Variants in CGNL1 observed in about 807,000 individuals in gnomAD.
The protein encoded by CGNL1 is cingulin-like protein 1.
A neutral mutation model predicts 141.2 loss-of-function variants in CGNL1; 132 were observed. That is an observed-to-expected ratio of 0.93 (90% CI 0.81 to 1.08). The LOEUF (loss-of-function observed/expected upper bound fraction) is 1.08, where lower values mean the gene tolerates loss of function less well. CGNL1 is among the 50% of genes least tolerant of loss of function. The probability of loss-of-function intolerance (pLI) is 0.00; values close to 1 mark genes in which losing one functional copy is unlikely to be tolerated. For synonymous variants in CGNL1, 690 were observed against 622.1 expected (o/e 1.11, Z -1.63); for missense variants, 1,870 against 1,588.6 (o/e 1.18, Z -3.01).
chr15:57,461,964 C>T (rs1269424839), intron 8 of CGNL1, 72 bp downstream of exon 8: 1 of 1,089,582 alleles, frequency 9.2e-7, no homozygotes, highest in Non-Finnish European at 1.4e-6. Flanking sequence ...CACACCACTG[C>T]AAATCCCCTT....
At chr15:57,530,994 G>A (rs2031920729) in intron 13 of CGNL1, among the ~76,000 whole-genome samples, 2 of 152,212 alleles carry the variant, frequency 1.3e-5, no homozygotes, top group African/African-American at 4.8e-5. Context: ...GCTCAAGGCT[G>A]ACAACCCCCA....
intron 8 of CGNL1, among the ~76,000 whole-genome samples, chr15:57,475,799 C>T (rs1449973863): frequency 1.3e-5 from 2 of 152,038 alleles, no homozygotes; most frequent in Non-Finnish European, 2.9e-5. Context: ...CTTCTTTCCC[C>T]CGGCTCATAT....
chr15:57,477,354 G>A (rs2063669466), intron 8 of CGNL1: 1 of 152,202 alleles, frequency 6.6e-6, no homozygotes, highest in Non-Finnish European at 1.5e-5. Context: ...CTGGATGACA[G>A]TGCAACGAAG....
At chr15:57,522,201 C>T (rs1483899122) in intron 10 of CGNL1, among the ~76,000 whole-genome samples, 1 of 152,164 alleles carries the variant, frequency 6.6e-6, no homozygotes, top group African/African-American at 2.4e-5. Context: ...TTCTCTGCAG[C>T]AATTAACTTC....
intron 14 of CGNL1, among the ~76,000 whole-genome samples, chr15:57,538,496 T>C (rs55924857): frequency 0.17 from 25,870 of 152,216 alleles, 2,468 homozygotes; most frequent in African/African-American, 0.25. Context: ...AGAGTCACCA[T>C]TATCCTGGGG....
In CGNL1 at chr15:57,451,591, T is replaced by G; in HGVS notation, c.1895T>G (p.Leu632Arg). ...EVAELQRQLQLEVKNQQNIKE... is the reference protein window; with the variant it reads ...EVAELQRQLQREVKNQQNIKE... Reference sequence around the variant, plus strand: ...GCTGAACTTCAGAGACAGCTTCAACTGGAAGTCAAGGTATCTGGTTTTTCC... The same window carrying G: ...GCTGAACTTCAGAGACAGCTTCAACGGGAAGTCAAGGTATCTGGTTTTTCC... Residue 632 changes from leucine (L) to arginine (R), a missense_variant, in exon 5 of 19, where the codon CTG becomes CGG. Leu to Arg is a moderately radical substitution (Grantham distance 102). Coordinates refer to ENST00000281282, the MANE Select transcript of CGNL1 (RefSeq NM_032866.5). 6.2e-7 allele frequency: 1 copy of G among 1,607,100 alleles called. No homozygotes were observed. Among genetic ancestry groups the G allele is most frequent in the Non-Finnish European group, 8.5e-7 (1 of 1,175,036 alleles).
intron 13 of CGNL1, 30 bp downstream of exon 13, chr15:57,528,845 G>A: frequency 5.0e-6 from 8 of 1,607,936 alleles, no homozygotes; most frequent in Non-Finnish European, 6.8e-6. Flanking sequence ...TGAGCTGGGG[G>A]ACCTGCAGAG....
At position 57,460,745 on chromosome 15, in the gene CGNL1, T is replaced by TC. The variant is rs559362022; in HGVS notation, c.2191-928dup. On this transcript the variant is annotated intron_variant, in intron 7 of 18. Coordinates refer to ENST00000281282, the MANE Select transcript of CGNL1 (RefSeq NM_032866.5). Reference sequence around the variant, plus strand: ...CGTGATCCAATCATCTCCCACAGTGTCCCCCCCTTGACAAGTGGGAATTAT... The same window carrying TC: ...CGTGATCCAATCATCTCCCACAGTGTCCCCCCCCTTGACAAGTGGGAATTAT... 2.6e-3 allele frequency among the ~76,000 whole-genome samples: 399 copies of TC among 151,924 alleles called. 3 individuals carry two copies. Among genetic ancestry groups the TC allele is most frequent in the African/African-American group, 9.2e-3 (380 of 41,420 alleles).
At chr15:57,422,137 T>A (rs1157931626) in intron 1 of CGNL1, among the ~76,000 whole-genome samples, 2 of 149,356 alleles carry the variant, frequency 1.3e-5, no homozygotes, top group African/African-American at 4.9e-5. Context: ...CCTTAAACCC[T>A]GCCAGAGGGT....
At chr15:57,386,705 G>C (rs1408597331) in intron 1 of CGNL1, among the ~76,000 whole-genome samples, 3 of 152,168 alleles carry the variant, frequency 2.0e-5, no homozygotes, top group Non-Finnish European at 4.4e-5. Flanking sequence ...CGACAGTGAC[G>C]ACGATAACAC....
chr15:57,440,376 G>A lies in CGNL1; in HGVS notation c.1603-1G>A, dbSNP rs2063171191. On this transcript the variant is annotated splice_acceptor_variant, in intron 2 of 18. Transcript: ENST00000281282. LOFTEE classifies it high-confidence loss of function. Reference sequence around the variant, plus strand: ...GTCTAACAACAGGCCTTATGTTCCAGGCCACACCGGATCTCTTAAAGGGCC... The same window carrying A: ...GTCTAACAACAGGCCTTATGTTCCAAGCCACACCGGATCTCTTAAAGGGCC... The A allele has an allele frequency of 4.4e-6, 7 of 1,595,888 alleles. No homozygotes were observed. In the South Asian group the frequency reaches 6.9e-5, roughly 16 times the overall value.
chr15:57,543,671 T>C (rs2032688624), intron 14 of CGNL1, 25 bp from the exon 15 acceptor site: 1 of 1,591,584 alleles, frequency 6.3e-7, no homozygotes, highest in Admixed American at 1.7e-5. Flanking sequence ...TTCTAACCTC[T>C]GGGCTTTTGT....
chr15:57,439,646 TA>T, intron 2 of CGNL1, 45 bp downstream of exon 2: 1 of 1,559,060 alleles, frequency 6.4e-7, no homozygotes, highest in Non-Finnish European at 8.8e-7. Flanking sequence ...CTCTTCCTTC[TA>T]AATAATGTAA....
intron 1 of CGNL1, among the ~76,000 whole-genome samples, chr15:57,424,420 C>T (rs1212696673): frequency 6.6e-6 from 1 of 152,152 alleles, no homozygotes; most frequent in African/African-American, 2.4e-5. Context: ...ACTCTCCCTA[C>T]CAGAGTGTGG....
chr15:57,501,871 G>A (rs550268845), intron 8 of CGNL1, among the ~76,000 whole-genome samples: 3 of 152,142 alleles, frequency 2.0e-5, no homozygotes, highest in South Asian at 2.1e-4. Flanking sequence ...GCACTCACAG[G>A]GGGGAAGTTC....
intron 8 of CGNL1, among the ~76,000 whole-genome samples, chr15:57,507,956 A>G (rs34644641): frequency 0.086 from 13,124 of 152,296 alleles, 700 homozygotes; most frequent in Non-Finnish European, 0.12. Context: ...TAGAAGTTAA[A>G]TGATTTGTCT....
At position 57,440,385 on chromosome 15, in the gene CGNL1, G is replaced by T; in HGVS notation, c.1611G>T (p.Pro537=). 6.3e-7 allele frequency: 1 copy of T among 1,599,046 alleles called. No homozygotes were observed. The highest frequency in any genetic ancestry group is 8.5e-7 in the Non-Finnish European group (1 of 1,171,894). ...CAGGCCTTATGTTCCAGGCCACACC[G>T]GATCTCTTAAAGGGCCAGCAAGAGC... is the stretch of plus-strand genomic sequence containing the variant. ...FPSASNTQAT[P]DLLKGQQELT... Residue 537 remains proline, a synonymous_variant, in exon 3 of 19, where the codon CCG becomes CCT. Transcript: ENST00000281282.
At chr15:57,524,445 G>C (rs2031477384) in intron 11 of CGNL1, 136 bp from the exon 12 acceptor site, 1 of 802,644 alleles carries the variant, frequency 1.2e-6, no homozygotes, top group Non-Finnish European at 2.0e-6. Context: ...GCTGACTCAG[G>C]ATCAGGTGCT....
At chr15:57,486,081 G>C (rs540830019) in intron 8 of CGNL1, among the ~76,000 whole-genome samples, 5 of 152,130 alleles carry the variant, frequency 3.3e-5, no homozygotes, top group African/African-American at 4.8e-5. Context: ...AGCAGGGCCC[G>C]GGCTGACTCA....
Sources: allele counts gnomAD v4.1 joint callset (sites outside exome capture counted in the v4.1 genomes callset), GRCh38; gene constraint gnomAD v4.1.1; transcripts MANE v1.5; gene names NCBI Gene and HGNC (gene_info 2026-07-23, HGNC 2026-07-21).